HAPSTR1: variants seen among roughly 807,000 people sequenced by gnomAD.
The protein encoded by HAPSTR1 is HUWE1-associated protein modifying stress responses 1.
the HAPSTR1 span, chr16:9,121,195 C>T: frequency 3.3e-5 from 5 of 152,256 alleles, no homozygotes; most frequent in African/African-American, 1.2e-4. Flanking sequence ...CTTAAGTGAT[C>T]TGCCCGCCTT....
chr16:9,105,317 A>G, the HAPSTR1 span: 3 of 152,200 alleles, frequency 2.0e-5, no homozygotes, highest in East Asian at 5.8e-4. Flanking sequence ...TCCAGTATAG[A>G]TTGGAGACTG....
At chr16:9,109,559 G>C in the HAPSTR1 span, 1 of 152,174 alleles carries the variant, frequency 6.6e-6, no homozygotes, top group Admixed American at 6.5e-5. Flanking sequence ...GGCCTGAGTT[G>C]TCTCTCTGTA....
At chr16:9,113,471 A>G in the HAPSTR1 span, among the ~76,000 whole-genome samples, 3 of 152,288 alleles carry the variant, frequency 2.0e-5, no homozygotes, top group East Asian at 5.8e-4. Flanking sequence ...TGAAATCCCT[A>G]GTCCACTTCT....
chr16:9,106,775 T>C, the HAPSTR1 span: 1 of 152,262 alleles, frequency 6.6e-6, no homozygotes, highest in South Asian at 2.1e-4. Context: ...TTGATTTCTG[T>C]CTTGCTTTGT....
chr16:9,108,228 A>G, the HAPSTR1 span: 2 of 152,282 alleles, frequency 1.3e-5, no homozygotes, highest in East Asian at 3.9e-4. Flanking sequence ...TGATGAAGAA[A>G]GCCTTACTTG....
At chr16:9,099,317 C>G in the HAPSTR1 span, among the ~76,000 whole-genome samples, 1 of 151,976 alleles carries the variant, frequency 6.6e-6, no homozygotes, top group Non-Finnish European at 1.5e-5. Context: ...TCTGCCTCAG[C>G]CTCCCAAGTA....
At chr16:9,115,139 A>G in the HAPSTR1 span, among the ~76,000 whole-genome samples, 3 of 152,180 alleles carry the variant, frequency 2.0e-5, no homozygotes, top group Non-Finnish European at 4.4e-5. Context: ...GTGCGATGAT[A>G]GTGGAGGCCA....
At chr16:9,092,338 G>C in the HAPSTR1 span, 10 of 1,234,876 alleles carry the variant, frequency 8.1e-6, no homozygotes, top group Non-Finnish European at 1.0e-5. Context: ...CGGCCCTATC[G>C]GCTCAGCGGC....
the HAPSTR1 span, chr16:9,103,303 G>A: frequency 6.3e-7 from 1 of 1,585,974 alleles, no homozygotes. Flanking sequence ...TGGTTAAGAG[G>A]GTGCCTGTGG....
the HAPSTR1 span, among the ~76,000 whole-genome samples, chr16:9,096,591 A>G: frequency 6.6e-6 from 1 of 152,224 alleles, no homozygotes; most frequent in Non-Finnish European, 1.5e-5. Flanking sequence ...GTGGCAGGTG[A>G]CTTAGAAACA....
the HAPSTR1 span, chr16:9,103,547 TG>T: frequency 3.4e-6 from 1 of 294,472 alleles, no homozygotes; most frequent in Admixed American, 4.7e-5. Flanking sequence ...ACTTATGTGT[TG>T]TACGTGTTTT....
the HAPSTR1 span, chr16:9,107,503 T>C: frequency 1.3e-5 from 2 of 152,256 alleles, no homozygotes; most frequent in South Asian, 2.1e-4. Flanking sequence ...TCCTGAGCTG[T>C]TGTTGCCAGT....
the HAPSTR1 span, chr16:9,104,571 G>A: frequency 2.0e-5 from 3 of 152,152 alleles, no homozygotes; most frequent in African/African-American, 7.2e-5. Flanking sequence ...GCAAACCGTA[G>A]TTCTTTCCTG....
the HAPSTR1 span, chr16:9,106,754 C>T: frequency 6.6e-6 from 1 of 152,066 alleles, no homozygotes; most frequent in African/African-American, 2.4e-5. Flanking sequence ...GATAAACATG[C>T]ATGTGCTAAA....
At chr16:9,109,835 A>G in the HAPSTR1 span, 1 of 152,086 alleles carries the variant, frequency 6.6e-6, no homozygotes, top group East Asian at 1.9e-4. Context: ...AGACAGCAGC[A>G]GCTCCTTAGT....
chr16:9,106,669 G>A, the HAPSTR1 span: 1 of 152,022 alleles, frequency 6.6e-6, no homozygotes, highest in South Asian at 2.1e-4. Flanking sequence ...ACACTTGTTC[G>A]CAACATGTTG....
chr16:9,104,028 TAAG>T, the HAPSTR1 span: 1 of 151,966 alleles, frequency 6.6e-6, no homozygotes, highest in Non-Finnish European at 1.5e-5. Context: ...AACAGAATAA[TAAG>T]ACTTGCTTGA....
chr16:9,093,181 C>G, the HAPSTR1 span, among the ~76,000 whole-genome samples: 1 of 152,144 alleles, frequency 6.6e-6, no homozygotes, highest in African/African-American at 2.4e-5. Context: ...TGACACCTCC[C>G]TCCGCCCCCC....
chr16:9,117,177 C>G, the HAPSTR1 span: 1 of 443,982 alleles, frequency 2.3e-6, no homozygotes, highest in Non-Finnish European at 4.0e-6. Context: ...AAACATATAT[C>G]CGTTCCAAGG....
Sources: allele counts gnomAD v4.1 joint callset (sites outside exome capture counted in the v4.1 genomes callset), GRCh38; gene constraint gnomAD v4.1.1; transcripts MANE v1.5; gene names NCBI Gene and HGNC (gene_info 2026-07-23, HGNC 2026-07-21).